Variants in RERE observed in about 807,000 individuals in gnomAD.
The protein encoded by RERE is arginine-glutamic acid dipeptide repeats protein.
RERE carries 40 observed loss-of-function variants against 146.1 expected under a neutral mutation model. The ratio of observed to expected loss-of-function variants is 0.27; its 90% CI spans 0.21 to 0.36. The LOEUF (loss-of-function observed/expected upper bound fraction) is 0.36. Among genes scored for constraint, RERE ranks in the 10% least tolerant of loss-of-function variants. The pLI, the probability that RERE is intolerant of heterozygous loss-of-function variation, is 1.00. For missense variants in RERE, 1,933 were observed against 2,138.7 expected, an observed-to-expected ratio of 0.90 and a Z score of 1.90; for synonymous variants, 1,003 against 866.0, an observed-to-expected ratio of 1.16 and a Z score of -2.78.
intron 7 of RERE, among the ~76,000 whole-genome samples, chr1:8,513,639 G>C (rs959542488): frequency 6.6e-6 from 1 of 152,160 alleles, no homozygotes. Context: ...AATTAGCCGG[G>C]TGTGGTGTTG....
At chr1:8,480,128 G>GT (rs112068785) in intron 10 of RERE, among the ~76,000 whole-genome samples, 99 of 135,214 alleles carry the variant, frequency 7.3e-4, no homozygotes, top group Middle Eastern at 4.2e-3. Flanking sequence ...GCCTTTTTTT[G>GT]TTTTTTTTTT....
intron 7 of RERE, among the ~76,000 whole-genome samples, chr1:8,540,285 G>C (rs1645783892): frequency 6.6e-6 from 1 of 151,980 alleles, no homozygotes; most frequent in Non-Finnish European, 1.5e-5. Context: ...ATTTTGTTGA[G>C]AGAAGAGGTC....
At chr1:8,783,510 C>G (rs1234167174) in intron 1 of RERE, among the ~76,000 whole-genome samples, 1 of 152,142 alleles carries the variant, frequency 6.6e-6, no homozygotes, top group African/African-American at 2.4e-5. Context: ...TTGTCCCAGT[C>G]TGCTGTCCAC....
At chr1:8,724,658 G>A (rs558772060) in intron 1 of RERE, among the ~76,000 whole-genome samples, 205 of 151,826 alleles carry the variant, frequency 1.4e-3, no homozygotes, top group African/African-American at 4.6e-3. Flanking sequence ...CAGCGACCCC[G>A]TCGCTACTAA....
rs1406004964 is a variant in RERE at position 8,459,469 on chromosome 1, TATGTGATGCAGTAGATAC to T, written c.1203+6438_1203+6455del. Among the ~76,000 whole-genome samples, 10 of 152,362 alleles carry T rather than the reference TATGTGATGCAGTAGATAC, an allele frequency of 6.6e-5. No homozygotes were observed. In the East Asian group the frequency reaches 7.7e-4, roughly 12 times the overall value. On this transcript the variant is annotated intron_variant, in intron 11 of 22. Transcript: ENST00000400908. ...AATTTAAAATGTACTAAGTACCTAC[TATGTGATGCAGTAGATAC>T]ATTGTATCTATATTTTGGGTTAATG...
intron 12 of RERE, among the ~76,000 whole-genome samples, chr1:8,400,222 ATG>A (rs1553161719): frequency 0.083 from 11,663 of 139,874 alleles, 1,540 homozygotes; most frequent in African/African-American, 0.28. Context: ...CCTGTGTCAT[ATG>A]TGTGTGTGTG....
chr1:8,639,896 T>C lies in RERE; in HGVS notation c.326-15516A>G, dbSNP rs1361347641. On this transcript the variant is annotated intron_variant, in intron 2 of 22. Coordinates refer to ENST00000400908, the MANE Select transcript of RERE (RefSeq NM_001042681.2). ...GCCAGGACAAGTAAAGTCTAAAAAC[T>C]AAATACTGTCTAATAATAATGATAG... Among the ~76,000 whole-genome samples the C allele has an allele frequency of 2.6e-5, 4 of 152,262 alleles. 1 individual carries two copies. Among genetic ancestry groups the C allele is most frequent in the Non-Finnish European group, 5.9e-5 (4 of 67,992 alleles).
At chr1:8,387,383 A>G (rs966805455) in intron 12 of RERE, among the ~76,000 whole-genome samples, 1 of 152,240 alleles carries the variant, frequency 6.6e-6, no homozygotes, top group Admixed American at 6.5e-5. Flanking sequence ...AACAGTAAGT[A>G]TAGGAGACTG....
chr1:8,776,405 C>CTA (rs1195250334), intron 1 of RERE, among the ~76,000 whole-genome samples: 4 of 152,146 alleles, frequency 2.6e-5, no homozygotes, highest in African/African-American at 7.2e-5. Flanking sequence ...TCAAGCGACT[C>CTA]TAGTGCCTCA....
At position 8,712,029 on chromosome 1, in the gene RERE, G is replaced by C. The variant is rs1017209399; in HGVS notation, c.-144-55588C>G. ...ACCATTTGCCAGTCTCAGCATCAGA[G>C]GTAGCATTACAGATCCAGGAACTGC... On this transcript the variant is annotated intron_variant, in intron 1 of 22. Transcript: ENST00000400908. Among the ~76,000 whole-genome samples the C allele has an allele frequency of 5.9e-5, 9 of 152,148 alleles. 1 individual carries two copies. Among genetic ancestry groups the C allele is most frequent in the African/African-American group, 2.2e-4 (9 of 41,406 alleles).
chr1:8,491,151 AC>A (rs1354630745), intron 10 of RERE, among the ~76,000 whole-genome samples: 1 of 150,702 alleles, frequency 6.6e-6, no homozygotes, highest in African/African-American at 2.5e-5. Context: ...AGTAAAAATA[AC>A]CAGCTGGGCC....
Position 8,429,479 on chromosome 1 carries a change from C to G in RERE, c.1204-6672G>C, listed in dbSNP as rs985499085. ...ATTCCCCTCATCTACACATGAAACT[C>G]CCAGCACATCTCATTCTGGCGTCAT... On this transcript the variant is annotated intron_variant, in intron 11 of 22. Coordinates refer to ENST00000400908, the MANE Select transcript of RERE (RefSeq NM_001042681.2). 2.6e-5 allele frequency among the ~76,000 whole-genome samples: 4 copies of G among 152,330 alleles called. No individual in the cohort carries two copies. In the East Asian group the frequency reaches 7.7e-4, roughly 29 times the overall value.
rs1338384391 is a variant in RERE, at chr1:8,360,421, G to T, written c.3086C>A (p.Ala1029Asp). The change falls in exon 18 of 23, where the codon GCC (alanine) becomes GAC (aspartate). Residue 1029 changes from alanine to aspartate, a missense_variant. This residue lies in a region of RERE where 1,255 missense variants were observed against 1,153.8 expected (regional missense o/e 1.09). Coordinates refer to ENST00000400908, the MANE Select transcript of RERE (RefSeq NM_001042681.2). ...SHPPTGLHQV[A>D]PQPPFAQHPF... ...GTGCTGAGCAAACGGGGGTTGGGGG[G>T]CCACCTGGTGGAGGCCTGTAGGGGG... is the stretch of plus-strand genomic sequence containing the variant. 8 of 557,638 alleles carry T rather than the reference G, an allele frequency of 1.4e-5. No homozygotes were observed. Among genetic ancestry groups the T allele is most frequent in the Non-Finnish European group, 1.9e-5 (8 of 417,356 alleles). The allele number at this position is 557,638 out of a possible 1,614,324, so 34.5% of individuals were successfully genotyped here.
intron 4 of RERE, among the ~76,000 whole-genome samples, chr1:8,600,997 G>T (rs906684137): frequency 2.2e-5 from 3 of 138,472 alleles, no homozygotes; most frequent in Non-Finnish European, 4.6e-5. Flanking sequence ...CTTGTGATCC[G>T]CCTGCCTCGG....
chr1:8,361,241 G>A lies in RERE; in HGVS notation c.2266C>T (p.Pro756Ser), dbSNP rs1641567190. The A allele has an allele frequency of 1.3e-6, 2 of 1,556,784 alleles. No individual in the cohort carries two copies. The highest frequency in any genetic ancestry group is 1.4e-5 in the African/African-American group (1 of 73,620). Residue 756 changes from proline to serine, a missense_variant, in exon 18 of 23, where the codon CCA (proline) becomes TCA (serine). This residue lies in a region of RERE where 1,255 missense variants were observed against 1,153.8 expected (regional missense o/e 1.09). Coordinates refer to ENST00000400908, the MANE Select transcript of RERE (RefSeq NM_001042681.2). Reference sequence around the variant, plus strand: ...GGCGTGGGCAGCTGAGGGGTCCCTGGAGGAGCTGAGGAGGGAGCTGGGGTG... The same window carrying A: ...GGCGTGGGCAGCTGAGGGGTCCCTGAAGGAGCTGAGGAGGGAGCTGGGGTG... ...GVTPAPSSAP[P>S]GTPQLPTPGP...
At chr1:8,679,381 G>GA (rs1261041454) in intron 1 of RERE, among the ~76,000 whole-genome samples, 1 of 152,162 alleles carries the variant, frequency 6.6e-6, no homozygotes, top group Non-Finnish European at 1.5e-5. Context: ...AAAAGAGCAA[G>GA]AAACCATTTT....
chr1:8,532,209 T>C (rs1645663233), intron 7 of RERE, among the ~76,000 whole-genome samples: 1 of 152,254 alleles, frequency 6.6e-6, no homozygotes. Context: ...AGACTCCGTT[T>C]GTTAACATTT....
chr1:8,761,594 A>C (rs1482191348), intron 1 of RERE, among the ~76,000 whole-genome samples: 1 of 152,168 alleles, frequency 6.6e-6, no homozygotes, highest in Admixed American at 6.6e-5. Context: ...CCCATCTGTC[A>C]TACCTCTTCA....
chr1:8,739,448 G>C (rs1173537924), intron 1 of RERE, among the ~76,000 whole-genome samples: 9 of 152,178 alleles, frequency 5.9e-5, no homozygotes, highest in Non-Finnish European at 1.3e-4. Flanking sequence ...TGGTCACTAA[G>C]AGCTGCAAAT....
Sources: gnomAD v4.1 joint callset for allele counts (sites outside exome capture counted in the v4.1 genomes callset) on GRCh38, gnomAD v4.1.1 for gene constraint, gnomAD v4.1.1 regional missense constraint, MANE v1.5 for transcripts, NCBI Gene and HGNC (gene_info 2026-07-23, HGNC 2026-07-21) for gene names.